The following ATXN7 variants were observed in gnomAD, a reference collection of about 807,000 sequenced individuals.
ATXN7 encodes ataxin 7.
A neutral mutation model predicts 70.5 loss-of-function variants in ATXN7; 12 were observed. That is an observed-to-expected ratio of 0.17 (90% CI 0.11 to 0.28). ATXN7 has a LOEUF of 0.28. Among genes scored for constraint, ATXN7 ranks in the 10% least tolerant of loss-of-function variants. ATXN7 has a pLI of 1.00. For synonymous variants in ATXN7, 498 were observed against 448.7 expected (o/e 1.11, Z -1.39); for missense variants, 1,256 against 1,131.7 (o/e 1.11, Z -1.58).
intron 12 of ATXN7, chr3:63,998,621 T>C (rs2075796988): frequency 3.0e-6 from 3 of 985,312 alleles, no homozygotes; most frequent in African/African-American, 1.7e-5. Flanking sequence ...GGAATACTTT[T>C]TATTATGCTA....
At chr3:63,892,374 C>CCA (rs56293497) in intron 1 of ATXN7, among the ~76,000 whole-genome samples, 12,836 of 133,318 alleles carry the variant, frequency 0.096, 684 homozygotes, top group Non-Finnish European at 0.13. Flanking sequence ...GACACCTCTA[C>CCA]CACACACACA....
At chr3:63,993,120 G>A (rs1386341993) in intron 11 of ATXN7, among the ~76,000 whole-genome samples, 1 of 152,128 alleles carries the variant, frequency 6.6e-6, no homozygotes, top group African/African-American at 2.4e-5. Context: ...GGTGAAATTA[G>A]ACCAGCACTT....
At chr3:63,979,439 A>G (rs1268204340) in intron 5 of ATXN7, among the ~76,000 whole-genome samples, 1 of 152,108 alleles carries the variant, frequency 6.6e-6, no homozygotes, top group Non-Finnish European at 1.5e-5. Context: ...AGTGACAGGG[A>G]AAAAAAAGAA....
At chr3:63,905,396 AGAC>A (rs10576211) in intron 2 of ATXN7, 30,270 of 151,848 alleles carry the variant, frequency 0.2, 3,866 homozygotes, top group East Asian at 0.37. Flanking sequence ...TTTACAGTAA[AGAC>A]GGGGTTTCAC....
intron 1 of ATXN7, among the ~76,000 whole-genome samples, chr3:63,880,681 G>A (rs1337429652): frequency 1.1e-4 from 16 of 151,960 alleles, no homozygotes; most frequent in Admixed American, 1.0e-3. Flanking sequence ...ATACCTTTTT[G>A]CCTCCTTTAA....
At position 63,888,690 on chromosome 3, in the gene ATXN7, C is replaced by A. The variant is rs192466563; in HGVS notation, c.-110-9709C>A. 3.3e-5 allele frequency among the ~76,000 whole-genome samples: 5 copies of A among 152,176 alleles called. No individual in the cohort carries two copies. The East Asian group carries it at 7.8e-4, about 24-fold the overall frequency. ...ACTCGGGAGGCTGAGGCAGGAGAAT[C>A]GCTTGAACCTGGGAGGCAGAGGTTG... On this transcript the variant is annotated intron_variant, in intron 1 of 12. Coordinates refer to ENST00000674280, the MANE Select transcript of ATXN7 (RefSeq NM_001377405.1).
At chr3:63,991,848 A>G (rs2075677078) in intron 11 of ATXN7, among the ~76,000 whole-genome samples, 1 of 151,644 alleles carries the variant, frequency 6.6e-6, no homozygotes, top group Admixed American at 6.6e-5. Context: ...TCTGTTTTTT[A>G]CTGCAGAACT....
At chr3:63,950,928 T>G (rs1664046677) in intron 4 of ATXN7, among the ~76,000 whole-genome samples, 1 of 152,020 alleles carries the variant, frequency 6.6e-6, no homozygotes, top group Non-Finnish European at 1.5e-5. Flanking sequence ...TCTCTAGATA[T>G]CATTATTCCT....
chr3:64,002,016 A>G lies in ATXN7; in HGVS notation c.*2549A>G, dbSNP rs2075838172. ...TTTCTTAACCTACAAAAAAAAAAAA[A>G]AAGTGCTGCAATGATGAACAAAGAA... On this transcript the variant is annotated 3_prime_UTR_variant, in exon 13 of 13. Transcript: ENST00000674280. 1 of 152,408 alleles carries G rather than the reference A, an allele frequency of 6.6e-6. No homozygotes were observed. Among genetic ancestry groups the G allele is most frequent in the Non-Finnish European group, 1.5e-5 (1 of 67,972 alleles). The allele number at this position is 152,408 out of a possible 1,614,324, so 9.4% of individuals were successfully genotyped here. A position where few individuals can be genotyped will look rare whatever the true frequency, so the allele number is the denominator to read the frequency against.
At chr3:63,997,524 T>G (rs941347202) in intron 12 of ATXN7, 24 of 1,012,364 alleles carry the variant, frequency 2.4e-5, no homozygotes, top group Non-Finnish European at 3.4e-5. Flanking sequence ...TCGTCCCAGC[T>G]CTTCTGCCTG....
At chr3:63,902,422 A>G (rs1703677291) in intron 2 of ATXN7, among the ~76,000 whole-genome samples, 1 of 152,178 alleles carries the variant, frequency 6.6e-6, no homozygotes, top group Non-Finnish European at 1.5e-5. Context: ...CTCAAAGTAA[A>G]TAAATAATAA....
chr3:63,863,550 G>C (rs1324218879), upstream of ATXN7: 8 of 1,195,462 alleles, frequency 6.7e-6, no homozygotes, highest in Non-Finnish European at 8.3e-6. Flanking sequence ...GGAAAGCCGA[G>C]GGTCTCCGAG....
intron 12 of ATXN7, chr3:63,997,616 A>G: frequency 6.4e-7 from 1 of 1,550,810 alleles, no homozygotes; most frequent in Non-Finnish European, 8.7e-7. Flanking sequence ...TATTTTATTC[A>G]TCAGGATATC....
At chr3:63,913,017 T>G in intron 3 of ATXN7, 94 bp downstream of exon 3, 1 of 864,530 alleles carries the variant, frequency 1.2e-6, no homozygotes, top group Non-Finnish European at 1.5e-6. Flanking sequence ...ACCCGCCCCC[T>G]CGAGGGGCAG....
chr3:63,882,385 C>CTTTTTTTT (rs1164256938), intron 1 of ATXN7, among the ~76,000 whole-genome samples: 3 of 128,844 alleles, frequency 2.3e-5, no homozygotes, highest in Non-Finnish European at 3.4e-5. Flanking sequence ...GCCTTTGATT[C>CTTTTTTTT]TTTTTTTTTT....
chr3:63,879,601 C>G (rs1048576579), intron 1 of ATXN7, among the ~76,000 whole-genome samples: 2 of 151,460 alleles, frequency 1.3e-5, no homozygotes, highest in South Asian at 4.2e-4. Flanking sequence ...AAGCGATTCT[C>G]CTGCCTCAGC....
At position 63,899,078 on chromosome 3, in the gene ATXN7, T is replaced by C. The variant is rs528038746; in HGVS notation, c.-12+581T>C. Among the ~76,000 whole-genome samples the C allele has an allele frequency of 3.4e-4, 52 of 152,182 alleles. 2 individuals carry two copies. The East Asian group carries it at 8.9e-3, about 26-fold the overall frequency. ...TGGAGTGTCTTTTTTTTTTTCTTTT[T>C]TTGAGACAGAGTCTCACTCTGTTAC... is the stretch of plus-strand genomic sequence containing the variant. On this transcript the variant is annotated intron_variant, in intron 2 of 12. Coordinates refer to ENST00000674280, the MANE Select transcript of ATXN7 (RefSeq NM_001377405.1).
intron 2 of ATXN7, among the ~76,000 whole-genome samples, chr3:63,907,204 C>A (rs1703865468): frequency 1.3e-5 from 2 of 152,158 alleles, no homozygotes; most frequent in African/African-American, 4.8e-5. Flanking sequence ...GTGATTTCCC[C>A]AGAGTTACAC....
intron 4 of ATXN7, among the ~76,000 whole-genome samples, chr3:63,919,074 C>G (rs1437816052): frequency 6.6e-6 from 1 of 152,114 alleles, no homozygotes; most frequent in Admixed American, 6.5e-5. Flanking sequence ...TCCCCAGTTG[C>G]AGCGTGTGGG....
Sources: gnomAD v4.1 joint callset for allele counts (sites outside exome capture counted in the v4.1 genomes callset) on GRCh38, gnomAD v4.1.1 for gene constraint, MANE v1.5 for transcripts, NCBI Gene and HGNC (gene_info 2026-07-23, HGNC 2026-07-21) for gene names.